Variants in ATAD1 observed in about 807,000 individuals in gnomAD.
The protein encoded by ATAD1 is ATPase family AAA domain containing 1.
In ATAD1, 18 loss-of-function variants were observed where a neutral mutation model predicts 42.7. That is an observed-to-expected ratio of 0.42 (90% CI 0.29 to 0.63). The LOEUF is 0.63. Ranked by LOEUF, ATAD1 falls within the 20% of genes least tolerant of loss-of-function variation. ATAD1 has a pLI of 0.19. For synonymous variants in ATAD1, 132 were observed against 143.1 expected (o/e 0.92, Z 0.55); for missense variants, 294 against 440.4 (o/e 0.67, Z 2.98).
intron 5 of ATAD1, among the ~76,000 whole-genome samples, chr10:87,778,966 A>AT (rs1170053347): frequency 6.6e-6 from 1 of 152,186 alleles, no homozygotes; most frequent in East Asian, 1.9e-4. Context: ...GACTTGATTA[A>AT]TTTTTATGTC....
chr10:87,825,733 G>A (rs555778781), intron 1 of ATAD1, among the ~76,000 whole-genome samples: 4 of 151,362 alleles, frequency 2.6e-5, no homozygotes, highest in Admixed American at 6.6e-5. Flanking sequence ...ACAGGGTCTC[G>A]CTCTGTTGCC....
Position 87,754,765 on chromosome 10 carries a change from C to T in ATAD1, c.1008G>A (p.Leu336=). The T allele has an allele frequency of 2.5e-6, 4 of 1,613,672 alleles. No individual in the cohort carries two copies. Among genetic ancestry groups the T allele is most frequent in the East Asian group, 2.2e-5 (1 of 44,828 alleles). ...DEIRPVQQQD[L]HRAIEKMKKS... Reference sequence around the variant, plus strand: ...TCTTCATCTTTTCAATTGCCCGATGCAGGTCCTGCTGTTGAACAGGCCGAA... The same window carrying T: ...TCTTCATCTTTTCAATTGCCCGATGTAGGTCCTGCTGTTGAACAGGCCGAA... The change falls in exon 10 of 10, where the codon CTG becomes CTA. Residue 336 remains leucine (L), a synonymous_variant. Coordinates refer to ENST00000680024, the MANE Select transcript of ATAD1 (RefSeq NM_001321967.2).
At chr10:87,807,561 T>C (rs1250909954) in intron 2 of ATAD1, among the ~76,000 whole-genome samples, 5 of 152,214 alleles carry the variant, frequency 3.3e-5, no homozygotes, top group South Asian at 2.1e-4. Context: ...CATCTTTTCA[T>C]ATGTTTATTG....
In ATAD1 at chr10:87,784,483, A is replaced by G; in HGVS notation, c.570T>C (p.Phe190=). 6.2e-7 allele frequency: 1 copy of G among 1,613,396 alleles called. No individual in the cohort carries two copies. Among genetic ancestry groups the G allele is most frequent in the Non-Finnish European group, 8.5e-7 (1 of 1,179,612 alleles). Reference sequence around the variant, plus strand: ...AACATAGCATACCTATTTCATCTATAAAGATGATGGATGGTTGTAGCTTTA... The same window carrying G: ...AACATAGCATACCTATTTCATCTATGAAGATGATGGATGGTTGTAGCTTTA... The part of the protein sequence containing the change: ...LAIKLQPSII[F]IDEIDSFLRN... Residue 190 remains phenylalanine (F), a synonymous_variant, in exon 5 of 10, where the codon TTT becomes TTC. Transcript: ENST00000680024.
rs1854244353 is a variant in ATAD1 at position 87,756,858 on chromosome 10, A to G, written c.896T>C (p.Leu299Pro). The change falls in exon 9 of 10, where the codon CTA becomes CCA. Residue 299 changes from leucine (L) to proline (P), a missense_variant. Physicochemically the swap from Leu to Pro is moderately conservative, Grantham distance 98. This residue lies in a region of ATAD1 where 142 missense variants were observed against 174.6 expected (regional missense o/e 0.81). Transcript: ENST00000680024. ...GGCAGCATCTCGACACATCTCTTTT[A>G]GGTCACTTCCTGAAAACCCATCAGT... Reference protein sequence around the residue: ...QETDGFSGSDLKEMCRDAALL... With the variant: ...QETDGFSGSDPKEMCRDAALL... 1 of 1,612,862 alleles carries G rather than the reference A, an allele frequency of 6.2e-7. No individual in the cohort carries two copies.
chr10:87,816,093 T>TA (rs974893161), intron 1 of ATAD1, among the ~76,000 whole-genome samples: 1 of 152,144 alleles, frequency 6.6e-6, no homozygotes, highest in African/African-American at 2.4e-5. Context: ...TACACTATCT[T>TA]AAAAAAGTCT....
intron 1 of ATAD1, 45 bp downstream of exon 1, chr10:87,818,122 A>G: frequency 2.0e-6 from 2 of 985,584 alleles, no homozygotes; most frequent in Non-Finnish European, 2.4e-6. Context: ...CCTCAGAAGG[A>G]TACGACAACC....
chr10:87,764,848 A>C (rs1350284302), intron 8 of ATAD1, among the ~76,000 whole-genome samples: 1 of 151,748 alleles, frequency 6.6e-6, no homozygotes, highest in Non-Finnish European at 1.5e-5. Context: ...GGGAAGCAAG[A>C]TAAGGGAAGA....
intron 1 of ATAD1, among the ~76,000 whole-genome samples, chr10:87,826,028 A>G (rs901470173): frequency 6.6e-6 from 1 of 152,206 alleles, no homozygotes; most frequent in Non-Finnish European, 1.5e-5. Flanking sequence ...TTACGTGTTT[A>G]AGGATGAAAT....
chr10:87,756,953 A>C (rs1854250384), intron 8 of ATAD1, 31 bp from the exon 9 acceptor site: 2 of 1,551,876 alleles, frequency 1.3e-6, no homozygotes, highest in Non-Finnish European at 1.7e-6. Flanking sequence ...TGCTTAAAAA[A>C]CAAAAATAAA....
intron 2 of ATAD1, among the ~76,000 whole-genome samples, chr10:87,806,102 T>A (rs1856910960): frequency 6.6e-6 from 1 of 152,132 alleles, no homozygotes; most frequent in African/African-American, 2.4e-5. Context: ...CCCCACAAAC[T>A]TCCCCAAATT....
chr10:87,806,394 T>C (rs1232389448), intron 2 of ATAD1, among the ~76,000 whole-genome samples: 1 of 152,176 alleles, frequency 6.6e-6, no homozygotes, highest in Non-Finnish European at 1.5e-5. Flanking sequence ...AATCCAGGTT[T>C]AAGAACAAGA....
At chr10:87,792,169 G>T (rs1856155853) in intron 3 of ATAD1, among the ~76,000 whole-genome samples, 1 of 152,210 alleles carries the variant, frequency 6.6e-6, no homozygotes, top group Admixed American at 6.5e-5. Flanking sequence ...TCAGAAGAGT[G>T]CCACAATTTC....
intron 2 of ATAD1, among the ~76,000 whole-genome samples, chr10:87,811,428 T>C (rs1298208111): frequency 2.6e-5 from 4 of 152,200 alleles, no homozygotes; most frequent in Non-Finnish European, 4.4e-5. Context: ...TTGTTACCCA[T>C]ACTGACCTAT....
chr10:87,806,894 C>G (rs956721855), intron 2 of ATAD1, among the ~76,000 whole-genome samples: 4 of 152,178 alleles, frequency 2.6e-5, no homozygotes, highest in Non-Finnish European at 2.9e-5. Flanking sequence ...CCAGAGGAAT[C>G]TGCATAACAA....
chr10:87,772,467 C>T (rs937702050), intron 6 of ATAD1, among the ~76,000 whole-genome samples: 1 of 151,922 alleles, frequency 6.6e-6, no homozygotes, highest in African/African-American at 2.4e-5. Context: ...AAAATTTCTT[C>T]CAAATTTAAA....
chr10:87,784,721 T>C, intron 4 of ATAD1, 51 bp from the exon 5 acceptor site: 1 of 1,522,094 alleles, frequency 6.6e-7, no homozygotes, highest in Non-Finnish European at 9.0e-7. Context: ...TTGCTTCAAT[T>C]TATATGATAA....
intron 6 of ATAD1, among the ~76,000 whole-genome samples, chr10:87,774,462 G>C (rs2131831070): frequency 6.6e-6 from 1 of 152,234 alleles, no homozygotes; most frequent in East Asian, 1.9e-4. Flanking sequence ...ATAAGCAAGA[G>C]CCTATCAAAA....
At position 87,754,466 on chromosome 10, in the gene ATAD1, C is replaced by T; in HGVS notation, c.*221G>A. ...GGCTGAAAAGGTCAAACACAAGCACCCACGTTCAGGCTGGATTCAACTGTT... is the reference window on the plus strand; with the variant it reads ...GGCTGAAAAGGTCAAACACAAGCACTCACGTTCAGGCTGGATTCAACTGTT... On this transcript the variant is annotated 3_prime_UTR_variant, in exon 10 of 10. Coordinates refer to ENST00000680024, the MANE Select transcript of ATAD1 (RefSeq NM_001321967.2). 2.7e-6 allele frequency: 1 copy of T among 366,794 alleles called. No homozygotes were observed. Among genetic ancestry groups the T allele is most frequent in the East Asian group, 4.7e-5 (1 of 21,100 alleles). The allele number at this position is 366,794 out of a possible 1,614,324, so 22.7% of individuals were successfully genotyped here. A position where few individuals can be genotyped will look rare whatever the true frequency, so the allele number is the denominator to read the frequency against.
Sources: allele counts gnomAD v4.1 joint callset (sites outside exome capture counted in the v4.1 genomes callset), GRCh38; gene constraint gnomAD v4.1.1; regional missense constraint gnomAD v4.1.1; transcripts MANE v1.5; gene names NCBI Gene and HGNC (gene_info 2026-07-23, HGNC 2026-07-21).